SRL: variants seen among roughly 807,000 people sequenced by gnomAD.
SRL encodes the protein sarcalumenin.
A neutral mutation model predicts 39.5 loss-of-function variants in SRL; 23 were observed. The ratio of observed to expected loss-of-function variants is 0.58; its 90% CI spans 0.42 to 0.82. The LOEUF is 0.82. Among genes scored for constraint, SRL ranks in the 40% least tolerant of loss-of-function variants. SRL has a pLI of 0.00. For synonymous variants in SRL, 272 were observed against 237.4 expected (o/e 1.15, Z -1.34); for missense variants, 592 against 607.8 (o/e 0.97, Z 0.27).
intron 1 of SRL, among the ~76,000 whole-genome samples, chr16:4,218,117 T>G (rs1207789535): frequency 6.6e-6 from 1 of 152,096 alleles, no homozygotes; most frequent in Admixed American, 6.5e-5. Context: ...AGTCCCTGAC[T>G]CCAGCCTCAG....
chr16:4,192,459 C>T lies in SRL; in HGVS notation c.1116G>A (p.Val372=), dbSNP rs769397824. ...AGATGTAGAATTTATCGGGATCTTCCACAATGTCCTTAAAGACCAGTTCTC... is the reference window on the plus strand; with the variant it reads ...AGATGTAGAATTTATCGGGATCTTCTACAATGTCCTTAAAGACCAGTTCTC... ...SDGELVFKDI[V]EDPDKFYIFK... is the part of the protein sequence containing the mutation. The change falls in exon 6 of 6, where the codon GTG becomes GTA. Residue 372 remains valine, a synonymous_variant. Coordinates refer to ENST00000399609, the MANE Select transcript of SRL (RefSeq NM_001098814.2). This position sits in a 1 kb window ranked among gnomAD's most constrained non-coding sequence, Gnocchi z 4.0. 2 of 1,614,160 alleles carry T rather than the reference C, an allele frequency of 1.2e-6. No homozygotes were observed. The highest frequency in any genetic ancestry group is 2.2e-5 in the East Asian group (1 of 44,882).
At chr16:4,230,597 C>A (rs1272346672) in intron 1 of SRL, among the ~76,000 whole-genome samples, 1 of 151,718 alleles carries the variant, frequency 6.6e-6, no homozygotes, top group Non-Finnish European at 1.5e-5. Context: ...CCATGTTGGC[C>A]AGGCTGGTCT....
At chr16:4,218,373 G>C (rs910751522) in intron 1 of SRL, among the ~76,000 whole-genome samples, 2 of 152,158 alleles carry the variant, frequency 1.3e-5, no homozygotes, top group African/African-American at 2.4e-5. Context: ...ACAGCAACAC[G>C]GTCGGAGGGA....
At chr16:4,241,345 G>A (rs1044567503) in intron 1 of SRL, among the ~76,000 whole-genome samples, 1 of 152,120 alleles carries the variant, frequency 6.6e-6, no homozygotes, top group Non-Finnish European at 1.5e-5. Context: ...ATGTCAAAGG[G>A]AAGCCTCAGC....
chr16:4,199,364 C>CTTTTTTT (rs71139622), intron 3 of SRL, among the ~76,000 whole-genome samples: 8 of 84,602 alleles, frequency 9.5e-5, no homozygotes, highest in Admixed American at 3.6e-4. Context: ...TATTCCCCAT[C>CTTTTTTT]TTTTTTTTTT....
At chr16:4,194,320 C>T (rs2141021460) in intron 5 of SRL, among the ~76,000 whole-genome samples, 1 of 152,324 alleles carries the variant, frequency 6.6e-6, no homozygotes, top group East Asian at 1.9e-4. Flanking sequence ...TGCCCATCTC[C>T]CCTTCCCCCC....
chr16:4,207,525 G>A (rs1490902470), intron 1 of SRL: 3 of 456,546 alleles, frequency 6.6e-6, no homozygotes, highest in Admixed American at 4.7e-5. Flanking sequence ...ATCACCCTCT[G>A]AGTGAGGAGA....
intron 1 of SRL, chr16:4,207,026 T>G (rs1301476204): frequency 6.6e-6 from 3 of 452,764 alleles, no homozygotes; most frequent in Middle Eastern, 6.6e-4. Flanking sequence ...GATCCCCGCC[T>G]TCCTGGGACT....
intron 2 of SRL, among the ~76,000 whole-genome samples, chr16:4,203,755 G>A (rs7188160): frequency 0.095 from 14,500 of 151,850 alleles, 2,060 homozygotes; most frequent in African/African-American, 0.31. Flanking sequence ...ACCTTGTCTC[G>A]GCCTGCTGCC....
chr16:4,234,261 C>G (rs757441399), intron 1 of SRL, among the ~76,000 whole-genome samples: 1 of 152,068 alleles, frequency 6.6e-6, no homozygotes, highest in Non-Finnish European at 1.5e-5. Flanking sequence ...CCCAAAGTGC[C>G]GGGATTACAG....
chr16:4,234,858 T>C (rs534955182), intron 1 of SRL, among the ~76,000 whole-genome samples: 1 of 152,360 alleles, frequency 6.6e-6, no homozygotes, highest in South Asian at 2.1e-4. Context: ...GTGAACTATT[T>C]ACCACCTCCG....
At chr16:4,205,569 G>T (rs939169641) in intron 1 of SRL, among the ~76,000 whole-genome samples, 2 of 36,606 alleles carry the variant, frequency 5.5e-5, no homozygotes, top group African/African-American at 5.1e-4. Context: ...GGTCTCTGCT[G>T]GGGGGAGTGA....
At chr16:4,217,464 C>T (rs2052473075) in intron 1 of SRL, among the ~76,000 whole-genome samples, 1 of 152,178 alleles carries the variant, frequency 6.6e-6, no homozygotes, top group Admixed American at 6.5e-5. Flanking sequence ...GTTGCCCAGG[C>T]TGGTCTCAAA....
intron 1 of SRL, among the ~76,000 whole-genome samples, chr16:4,230,613 T>A (rs923982768): frequency 1.3e-5 from 2 of 151,690 alleles, no homozygotes; most frequent in African/African-American, 2.4e-5. Context: ...GGTCTTGAAC[T>A]CCCGACCTCG....
intron 1 of SRL, among the ~76,000 whole-genome samples, chr16:4,235,048 T>G (rs1300653080): frequency 2.6e-5 from 4 of 152,272 alleles, no homozygotes; most frequent in African/African-American, 9.6e-5. Flanking sequence ...GCTCCCCCCA[T>G]GACCAGTGTC....
chr16:4,217,071 G>A (rs2052469222), intron 1 of SRL, among the ~76,000 whole-genome samples: 2 of 152,194 alleles, frequency 1.3e-5, no homozygotes, highest in Non-Finnish European at 2.9e-5. Flanking sequence ...CAGGGAAGCT[G>A]GAGGGAATCT....
intron 1 of SRL, among the ~76,000 whole-genome samples, chr16:4,229,829 G>C (rs528224715): frequency 1.3e-5 from 2 of 152,092 alleles, no homozygotes; most frequent in African/African-American, 2.4e-5. Context: ...TGCAGATGAG[G>C]AGGTGCTTCC....
intron 1 of SRL, among the ~76,000 whole-genome samples, chr16:4,213,008 C>T (rs1458899830): frequency 1.3e-5 from 2 of 152,218 alleles, no homozygotes; most frequent in African/African-American, 2.4e-5. Flanking sequence ...TAAAGGAGGA[C>T]GCTCTGGCCA....
At chr16:4,195,358 G>A (rs2052121801) in intron 5 of SRL, among the ~76,000 whole-genome samples, 195 bp downstream of exon 5, 1 of 152,062 alleles carries the variant, frequency 6.6e-6, no homozygotes, top group Non-Finnish European at 1.5e-5. Context: ...GAACATGCCT[G>A]GCTATTGTTT....
Sources: gnomAD v4.1 joint callset for allele counts (sites outside exome capture counted in the v4.1 genomes callset) on GRCh38, gnomAD v4.1.1 for gene constraint, Gnocchi (gnomAD v3.1) non-coding constraint, MANE v1.5 for transcripts, NCBI Gene and HGNC (gene_info 2026-07-23, HGNC 2026-07-21) for gene names.